The following TRIM44 variants were observed in gnomAD, a reference collection of about 807,000 sequenced individuals.
TRIM44 encodes the protein tripartite motif containing 44.
Under a neutral mutation model 37.4 loss-of-function variants are expected in TRIM44, and 13 were observed. The ratio of observed to expected loss-of-function variants is 0.35; its 90% CI spans 0.23 to 0.55. The LOEUF is 0.55. Ranked by LOEUF, TRIM44 falls within the 20% of genes least tolerant of loss-of-function variation. The pLI is 0.89. For synonymous variants in TRIM44, 175 were observed against 157.2 expected (o/e 1.11, Z -0.85); for missense variants, 426 against 437.2 (o/e 0.97, Z 0.23).
chr11:35,670,707 T>C (rs1395402923), intron 1 of TRIM44, among the ~76,000 whole-genome samples: 1 of 152,232 alleles, frequency 6.6e-6, no homozygotes, highest in East Asian at 1.9e-4. Context: ...TCTATTTCTC[T>C]GGATCTTTTT....
intron 4 of TRIM44, 52 bp from the exon 5 acceptor site, chr11:35,806,306 G>A: frequency 6.9e-6 from 11 of 1,604,164 alleles, no homozygotes; most frequent in Non-Finnish European, 9.4e-6. Context: ...AGACTAGGCT[G>A]CCTCCCTTCT....
intron 2 of TRIM44, among the ~76,000 whole-genome samples, chr11:35,693,199 T>C (rs1851658301): frequency 6.6e-6 from 1 of 152,152 alleles, no homozygotes; most frequent in Non-Finnish European, 1.5e-5. Flanking sequence ...GTTTTCAATC[T>C]TGTCTACCTA....
chr11:35,703,015 G>A (rs1851815870), intron 2 of TRIM44, among the ~76,000 whole-genome samples: 2 of 152,222 alleles, frequency 1.3e-5, no homozygotes, highest in South Asian at 4.1e-4. Context: ...AAAGAAAGGG[G>A]TGACAGACAG....
chr11:35,769,535 G>A (rs1407777521), intron 4 of TRIM44, among the ~76,000 whole-genome samples: 2 of 152,186 alleles, frequency 1.3e-5, no homozygotes, highest in African/African-American at 4.8e-5. Context: ...TTAACAGCAT[G>A]GGATTTGGTA....
At chr11:35,771,117 G>T (rs1344939361) in intron 4 of TRIM44, among the ~76,000 whole-genome samples, 3 of 152,180 alleles carry the variant, frequency 2.0e-5, no homozygotes, top group African/African-American at 7.2e-5. Context: ...AGTTTGGAGG[G>T]CTCACAAGAA....
chr11:35,775,623 T>C (rs894067630), intron 4 of TRIM44, among the ~76,000 whole-genome samples: 3 of 152,226 alleles, frequency 2.0e-5, no homozygotes, highest in African/African-American at 7.2e-5. Context: ...AAATAGCTCT[T>C]ACCATTTTGA....
intron 1 of TRIM44, among the ~76,000 whole-genome samples, chr11:35,669,642 A>AT (rs1290915656): frequency 2.6e-5 from 4 of 151,686 alleles, no homozygotes; most frequent in African/African-American, 7.3e-5. Context: ...TGCCCAGCTA[A>AT]TTTTTTATAT....
intron 4 of TRIM44, among the ~76,000 whole-genome samples, chr11:35,751,144 A>G (rs984241796): frequency 1.3e-5 from 2 of 152,248 alleles, no homozygotes; most frequent in Admixed American, 1.3e-4. Flanking sequence ...TGAATCAGGC[A>G]GTGACAAGGA....
At chr11:35,792,983 A>T (rs1343787944) in intron 4 of TRIM44, among the ~76,000 whole-genome samples, 1 of 152,124 alleles carries the variant, frequency 6.6e-6, no homozygotes, top group Admixed American at 6.6e-5. Context: ...AGGATTGAAA[A>T]TGAAACCAAT....
chr11:35,793,356 C>T (rs546946167), intron 4 of TRIM44, among the ~76,000 whole-genome samples: 1 of 151,986 alleles, frequency 6.6e-6, no homozygotes, highest in Non-Finnish European at 1.5e-5. Context: ...GAAAACCCGT[C>T]GCTACTAAAA....
intron 4 of TRIM44, among the ~76,000 whole-genome samples, chr11:35,764,735 A>C (rs1257171730): frequency 6.6e-6 from 1 of 152,186 alleles, no homozygotes; most frequent in African/African-American, 2.4e-5. Flanking sequence ...GTAGTTTACA[A>C]AGCTGAGTGG....
intron 2 of TRIM44, among the ~76,000 whole-genome samples, chr11:35,706,496 C>T (rs910354613): frequency 8.6e-4 from 131 of 152,232 alleles, no homozygotes; most frequent in South Asian, 2.1e-3. Context: ...TGATGAACAT[C>T]GATGCAAAAA....
At chr11:35,753,532 C>T (rs954486455) in intron 4 of TRIM44, among the ~76,000 whole-genome samples, 1 of 152,222 alleles carries the variant, frequency 6.6e-6, no homozygotes, top group Non-Finnish European at 1.5e-5. Flanking sequence ...TTGCTAGGAA[C>T]CAATATTAAA....
At chr11:35,705,836 C>T (rs977180463) in intron 2 of TRIM44, among the ~76,000 whole-genome samples, 4 of 148,302 alleles carry the variant, frequency 2.7e-5, no homozygotes, top group African/African-American at 9.7e-5. Context: ...GATACCCTAA[C>T]ATCACAATTA....
At chr11:35,713,502 C>CTTT (rs34352321) in intron 2 of TRIM44, among the ~76,000 whole-genome samples, 79 of 140,146 alleles carry the variant, frequency 5.6e-4, no homozygotes, top group African/African-American at 2.0e-3. Flanking sequence ...ATATGACATG[C>CTTT]TTTTTTTTTT....
rs138941857 is a variant in TRIM44, at chr11:35,803,819, T to G, written c.1008-2539T>G. Among the ~76,000 whole-genome samples the G allele has an allele frequency of 1.8e-3, 280 of 152,304 alleles. 2 individuals are homozygous for G. The highest frequency in any genetic ancestry group is 6.5e-3 in the African/African-American group (269 of 41,562). On this transcript the variant is annotated intron_variant, in intron 4 of 4. Coordinates refer to ENST00000299413, the MANE Select transcript of TRIM44 (RefSeq NM_017583.6). ...AAGCAAGAACATTCAGGAGAGGAGA[T>G]GATGCCTCACACTAATTATATTGTT...
At chr11:35,768,078 A>G (rs1590584519) in intron 4 of TRIM44, among the ~76,000 whole-genome samples, 1 of 152,266 alleles carries the variant, frequency 6.6e-6, no homozygotes, top group South Asian at 2.1e-4. Flanking sequence ...TGCCCAAGGC[A>G]TAGCGGACTA....
chr11:35,706,555 T>G (rs1851886005), intron 2 of TRIM44, among the ~76,000 whole-genome samples: 1 of 152,196 alleles, frequency 6.6e-6, no homozygotes. Flanking sequence ...ATCAAAAAGC[T>G]TATCCATCAT....
intron 4 of TRIM44, among the ~76,000 whole-genome samples, chr11:35,774,514 T>C (rs1423510162): frequency 6.6e-6 from 1 of 152,242 alleles, no homozygotes; most frequent in Non-Finnish European, 1.5e-5. Flanking sequence ...TGCCATTGCT[T>C]TTGGTGTTTT....
Sources: allele counts gnomAD v4.1 joint callset (sites outside exome capture counted in the v4.1 genomes callset), GRCh38; gene constraint gnomAD v4.1.1; transcripts MANE v1.5; gene names NCBI Gene and HGNC (gene_info 2026-07-23, HGNC 2026-07-21).